The following FGL1 variants were observed in gnomAD, a reference collection of about 807,000 sequenced individuals.
FGL1 encodes fibrinogen-like protein 1.
A neutral mutation model predicts 43.7 loss-of-function variants in FGL1; 59 were observed. The observed-to-expected ratio is 1.35, with a 90% CI of 1.10 to 1.68. The LOEUF is 1.68. Among genes scored for constraint, FGL1 ranks in the 40% most tolerant of loss-of-function variants. FGL1 has a pLI of 0.00. For synonymous variants in FGL1, 192 were observed against 126.5 expected, an observed-to-expected ratio of 1.52 and a Z score of -3.48; for missense variants, 596 against 373.0, an observed-to-expected ratio of 1.60 and a Z score of -4.92.
In FGL1 at chr8:17,868,689, T is replaced by A; in HGVS notation, c.638A>T (p.Asp213Val). 6.2e-7 allele frequency: 1 copy of A among 1,613,672 alleles called. No individual in the cohort carries two copies. Among genetic ancestry groups the A allele is most frequent in the Non-Finnish European group, 8.5e-7 (1 of 1,179,880 alleles). The change falls in exon 7 of 8, where the codon GAT becomes GTT. Residue 213 changes from aspartate to valine, a missense_variant. Coordinates refer to ENST00000427924, the MANE Select transcript of FGL1 (RefSeq NM_004467.4). ...AGGATGAAAATTCCCCGCAAGGGAATCTCCAGCTGTTCCAGAATATTCCCC... is the reference window on the plus strand; with the variant it reads ...AGGATGAAAATTCCCCGCAAGGGAAACTCCAGCTGTTCCAGAATATTCCCC... Reference protein sequence around the residue: ...NIGEYSGTAGDSLAGNFHPEV... With the variant: ...NIGEYSGTAGVSLAGNFHPEV...
At chr8:17,868,503 A>C (rs917542934) in intron 7 of FGL1, 45 bp downstream of exon 7, 52 of 1,428,290 alleles carry the variant, frequency 3.6e-5, no homozygotes, top group Non-Finnish European at 4.4e-5. Context: ...TCTATCAGTG[A>C]GATATCATCA....
chr8:17,873,118 A>G (rs1181382441), intron 5 of FGL1, among the ~76,000 whole-genome samples: 1 of 152,086 alleles, frequency 6.6e-6, no homozygotes, highest in Non-Finnish European at 1.5e-5. Context: ...CCAATTGCCC[A>G]ATTGTTCACC....
chr8:17,880,266 G>A (rs1377796876), intron 3 of FGL1, among the ~76,000 whole-genome samples: 1 of 152,202 alleles, frequency 6.6e-6, no homozygotes, highest in African/African-American at 2.4e-5. Context: ...AGGAGTCTGA[G>A]CAGAGGGAGA....
Position 17,868,538 on chromosome 8 carries a change from GACATCAA to G in FGL1, c.779+3_779+9del. On this transcript the variant is annotated splice_donor_5th_base_variant and intron_variant, in intron 7 of 7. Coordinates refer to ENST00000427924, the MANE Select transcript of FGL1 (RefSeq NM_004467.4). ...AACTCCATTACAACTATGCTCATAA[GACATCAA>G]ACCTGTTAAACCACCAGCCAGACTG... 1 of 1,602,536 alleles carries G rather than the reference GACATCAA, an allele frequency of 6.2e-7. No individual in the cohort carries two copies. Among genetic ancestry groups the G allele is most frequent in the Non-Finnish European group, 8.5e-7 (1 of 1,174,436 alleles).
At chr8:17,885,097 G>T (rs537046031) in intron 2 of FGL1, among the ~76,000 whole-genome samples, 1 of 151,056 alleles carries the variant, frequency 6.6e-6, no homozygotes, top group East Asian at 1.9e-4. Context: ...CTGGAGTGAA[G>T]TGGCATGATC....
At chr8:17,873,815 G>A (rs2653408) in intron 5 of FGL1, among the ~76,000 whole-genome samples, 104,071 of 150,438 alleles carry the variant, frequency 0.69, 36,578 homozygotes, top group Non-Finnish European at 0.76. Flanking sequence ...ACAATTCCCC[G>A]CAACCCAATT....
In FGL1 at chr8:17,878,224, T is replaced by C. The variant is rs993360845; in HGVS notation, c.245-3703A>G. ...ACCTCGGCCTCTCAAAGTGCAGGGA[T>C]TACAGGCATGATTCATGGCACCTGG... On this transcript the variant is annotated intron_variant, in intron 3 of 7. Transcript: ENST00000427924. Among the ~76,000 whole-genome samples the C allele has an allele frequency of 5.9e-5, 9 of 152,256 alleles. No individual in the cohort carries two copies. The East Asian group carries it at 1.5e-3, about 26-fold the overall frequency.
rs1275520972 is a variant in FGL1 at position 17,894,785 on chromosome 8, G to T, written c.-18+662C>A. On this transcript the variant is annotated intron_variant, in intron 1 of 7. Coordinates refer to ENST00000427924, the MANE Select transcript of FGL1 (RefSeq NM_004467.4). Reference sequence around the variant, plus strand: ...GATTCTGGCTCTTGCATAAATGGAAGTATGTTTTGAAAATGCTCTGGGTGA... The same window carrying T: ...GATTCTGGCTCTTGCATAAATGGAATTATGTTTTGAAAATGCTCTGGGTGA... Among the ~76,000 whole-genome samples the T allele has an allele frequency of 2.0e-5, 3 of 146,436 alleles. 1 individual carries two copies. Among genetic ancestry groups the T allele is most frequent in the African/African-American group, 8.1e-5 (3 of 37,112 alleles).
intron 1 of FGL1, chr8:17,891,652 C>T (rs2053706637): frequency 4.1e-6 from 4 of 982,908 alleles, no homozygotes; most frequent in Admixed American, 6.2e-5. Flanking sequence ...AAAATATCTA[C>T]TGAATAGATG....
rs765950818 is a variant in FGL1, at chr8:17,874,050, G to A, written c.471C>T (p.Gly157=). The change falls in exon 5 of 8, where the codon GGC becomes GGT. Residue 157 remains glycine (G), a synonymous_variant. Transcript: ENST00000427924. ...FVQKHGEYWL[G]NKNLHFLTTQ... ...TGGTCAAGAAGTGAAGATTTTTATT[G>A]CCCAGCCAATATTCACCATGTTTTT... 2 of 1,609,712 alleles carry A rather than the reference G, an allele frequency of 1.2e-6. No homozygotes were observed. The highest frequency in any genetic ancestry group is 1.7e-6 in the Non-Finnish European group (2 of 1,178,596).
In FGL1 at chr8:17,864,664, A is replaced by G. The variant is rs773494089; in HGVS notation, c.867T>C (p.His289=). Reference sequence around the variant, plus strand: ...CAGATTTCAGAGAATACCACCACCCATGCCAGGTGTACCAGACAATCCCAT... The same window carrying G: ...CAGATTTCAGAGAATACCACCACCCGTGCCAGGTGTACCAGACAATCCCAT... ...TDNGIVWYTW[H]GWWYSLKSVV... is the part of the protein sequence containing the mutation. Residue 289 remains histidine (H), a synonymous_variant, in exon 8 of 8, where the codon CAT becomes CAC. Transcript: ENST00000427924. 1.2e-6 allele frequency: 2 copies of G among 1,613,808 alleles called. No individual in the cohort carries two copies. Among genetic ancestry groups the G allele is most frequent in the Non-Finnish European group, 1.7e-6 (2 of 1,179,894 alleles).
In FGL1 at chr8:17,864,413, G is replaced by C; in HGVS notation, c.*179C>G. On this transcript the variant is annotated 3_prime_UTR_variant, in exon 8 of 8. Coordinates refer to ENST00000427924, the MANE Select transcript of FGL1 (RefSeq NM_004467.4). The stretch of plus-strand genomic sequence containing the variant: ...ATATTAACACAGTCTACATTTATTT[G>C]GTGAATATTGCATATCTGCTGTACT... 2 of 576,510 alleles carry C rather than the reference G, an allele frequency of 3.5e-6. No individual in the cohort carries two copies. The highest frequency in any genetic ancestry group is 5.8e-6 in the Non-Finnish European group (2 of 342,556). 35.7% of individuals were successfully genotyped at this position (576,510 alleles called of 1,614,324 possible).
Position 17,864,416 on chromosome 8 carries a change from G to T in FGL1, c.*176C>A. 1.7e-6 allele frequency: 1 copy of T among 591,362 alleles called. No homozygotes were observed. Among genetic ancestry groups the T allele is most frequent in the Non-Finnish European group, 2.8e-6 (1 of 354,724 alleles). 36.6% of individuals were successfully genotyped at this position (591,362 alleles called of 1,614,324 possible). A position where few individuals can be genotyped will look rare whatever the true frequency, so the allele number is the denominator to read the frequency against. On this transcript the variant is annotated 3_prime_UTR_variant, in exon 8 of 8. Transcript: ENST00000427924. ...TTAACACAGTCTACATTTATTTGGT[G>T]AATATTGCATATCTGCTGTACTGAA...
intron 2 of FGL1, among the ~76,000 whole-genome samples, chr8:17,885,214 G>C (rs2053610326): frequency 1.3e-5 from 2 of 151,388 alleles, no homozygotes; most frequent in African/African-American, 4.8e-5. Context: ...CTAATTTTTT[G>C]TATTTTTTTT....
Position 17,894,157 on chromosome 8 carries a change from A to G in FGL1, c.-18+1290T>C, listed in dbSNP as rs547127525. Among the ~76,000 whole-genome samples the G allele has an allele frequency of 2.0e-5, 3 of 147,506 alleles. No individual in the cohort carries two copies. The East Asian group carries it at 5.8e-4, about 28-fold the overall frequency. On this transcript the variant is annotated intron_variant, in intron 1 of 7. Coordinates refer to ENST00000427924, the MANE Select transcript of FGL1 (RefSeq NM_004467.4). ...ATATATAATTTTTAAAAACAATTACAAAACAGAAGTACATTAGTAGCATGC... is the reference window on the plus strand; with the variant it reads ...ATATATAATTTTTAAAAACAATTACGAAACAGAAGTACATTAGTAGCATGC...
intron 2 of FGL1, 142 bp downstream of exon 2, chr8:17,885,350 G>T: frequency 1.5e-6 from 1 of 681,522 alleles, no homozygotes; most frequent in Non-Finnish European, 2.5e-6. Context: ...TATGTGTCCA[G>T]TATTTCTACC....
chr8:17,874,167 C>A (rs1476860696), intron 4 of FGL1, 51 bp from the exon 5 acceptor site: 14 of 1,486,000 alleles, frequency 9.4e-6, no homozygotes, highest in Non-Finnish European at 1.3e-5. Flanking sequence ...TTTGTGGTAC[C>A]AAAGCGACCA....
At chr8:17,868,125 G>C (rs1267117214) in intron 7 of FGL1, among the ~76,000 whole-genome samples, 1 of 152,200 alleles carries the variant, frequency 6.6e-6, no homozygotes, top group Non-Finnish European at 1.5e-5. Context: ...GAAAGCCATA[G>C]TGATTGAAAA....
At chr8:17,870,430 G>A (rs1288914890) in intron 5 of FGL1, among the ~76,000 whole-genome samples, 1 of 152,098 alleles carries the variant, frequency 6.6e-6, no homozygotes, top group Admixed American at 6.5e-5. Flanking sequence ...CTCCTACTTT[G>A]ATAAATAAGA....
Sources: allele counts gnomAD v4.1 joint callset (sites outside exome capture counted in the v4.1 genomes callset), GRCh38; gene constraint gnomAD v4.1.1; transcripts MANE v1.5; gene names NCBI Gene and HGNC (gene_info 2026-07-23, HGNC 2026-07-21).